Variants in THSD4 observed in about 807,000 individuals in gnomAD.
The protein encoded by THSD4 is thrombospondin type 1 domain containing 4.
In THSD4, 69 loss-of-function variants were observed where a neutral mutation model predicts 119.0. The observed-to-expected ratio is 0.58, with a 90% CI of 0.48 to 0.71. The LOEUF is 0.71. Ranked by LOEUF, THSD4 falls within the 30% of genes least tolerant of loss-of-function variation. THSD4 has a pLI of 0.00. For missense variants in THSD4, 1,393 were observed against 1,391.1 expected (o/e 1.00, Z -0.02); for synonymous variants, 524 against 540.4 (o/e 0.97, Z 0.42).
chr15:71,469,640 G>C (rs12913412), intron 7 of THSD4, among the ~76,000 whole-genome samples: 25,989 of 152,104 alleles, frequency 0.17, 2,551 homozygotes, highest in South Asian at 0.31. Flanking sequence ...GTTCAACTTA[G>C]GCTCAACACA....
chr15:71,390,553 C>T (rs2140467340), intron 6 of THSD4, among the ~76,000 whole-genome samples: 1 of 152,212 alleles, frequency 6.6e-6, no homozygotes, highest in East Asian at 1.9e-4. Flanking sequence ...TCATATAGCC[C>T]TCCTTTGACG....
chr15:71,440,185 A>C (rs1158692793), intron 7 of THSD4, among the ~76,000 whole-genome samples: 1 of 152,174 alleles, frequency 6.6e-6, no homozygotes, highest in African/African-American at 2.4e-5. Flanking sequence ...ATGATCATGC[A>C]TGAACAAAGA....
intron 10 of THSD4, among the ~76,000 whole-genome samples, chr15:71,737,053 T>G (rs1251347443): frequency 2.0e-5 from 3 of 152,264 alleles, no homozygotes; most frequent in African/African-American, 7.2e-5. Context: ...AAAACTCACA[T>G]AGTATTCCAT....
chr15:71,164,713 T>C, intron 3 of THSD4: 2 of 1,543,856 alleles, frequency 1.3e-6, no homozygotes, highest in Non-Finnish European at 1.7e-6. Context: ...GAGTGAGTTG[T>C]GTACAGGGGG....
intron 8 of THSD4, among the ~76,000 whole-genome samples, chr15:71,692,506 T>G (rs931650735): frequency 6.6e-6 from 1 of 152,218 alleles, no homozygotes; most frequent in Non-Finnish European, 1.5e-5. Context: ...GTTGGAAGAT[T>G]TAGCTCTGCA....
intron 6 of THSD4, among the ~76,000 whole-genome samples, chr15:71,394,266 CTTT>C (rs58372446): frequency 0.021 from 1,840 of 89,628 alleles, 28 homozygotes; most frequent in African/African-American, 0.067. Flanking sequence ...ACACATTTGT[CTTT>C]TTTTTTTTTT....
At chr15:71,774,473 A>G (rs781698503) in intron 17 of THSD4, among the ~76,000 whole-genome samples, 7 of 152,156 alleles carry the variant, frequency 4.6e-5, no homozygotes, top group Non-Finnish European at 4.4e-5. Context: ...CGCATGGGGG[A>G]TAGGTCAAGT....
chr15:71,510,080 G>A (rs1050814775), intron 7 of THSD4, among the ~76,000 whole-genome samples: 2 of 152,170 alleles, frequency 1.3e-5, no homozygotes, highest in Non-Finnish European at 2.9e-5. Context: ...GCTGTGTGTC[G>A]CTGCTCTACT....
rs1035591739 is a variant in THSD4 at position 71,585,751 on chromosome 15, T to C, written c.1153-74779T>C. On this transcript the variant is annotated intron_variant, in intron 7 of 17. Coordinates refer to ENST00000261862, the MANE Select transcript of THSD4 (RefSeq NM_024817.3). ...ACTTGATGGTGTCCCATAAGTCCTGTAGGCTTTCTTTACACTTGTTTATTC... is the reference window on the plus strand; with the variant it reads ...ACTTGATGGTGTCCCATAAGTCCTGCAGGCTTTCTTTACACTTGTTTATTC... 3.9e-5 allele frequency among the ~76,000 whole-genome samples: 6 copies of C among 152,208 alleles called. No homozygotes were observed. The South Asian group carries it at 1.2e-3, about 31-fold the overall frequency.
chr15:71,768,276 C>CCAAAACAAAAA (rs2053749864), intron 16 of THSD4, among the ~76,000 whole-genome samples: 1 of 150,068 alleles, frequency 6.7e-6, no homozygotes, highest in Non-Finnish European at 1.5e-5. Flanking sequence ...ACAAAAAAAA[C>CCAAAACAAAAA]CAAAAAAAAA....
intron 5 of THSD4, among the ~76,000 whole-genome samples, chr15:71,251,728 C>A (rs114629089): frequency 0.011 from 1,690 of 152,216 alleles, 34 homozygotes; most frequent in African/African-American, 0.039. Flanking sequence ...CTGTCCGTCT[C>A]CTGGGGAGAT....
At chr15:71,483,209 T>G (rs2047761125) in intron 7 of THSD4, among the ~76,000 whole-genome samples, 1 of 152,180 alleles carries the variant, frequency 6.6e-6, no homozygotes, top group Non-Finnish European at 1.5e-5. Context: ...TTGGGCTGAC[T>G]ACAGGCTCGA....
At chr15:71,645,430 T>C (rs570880127) in intron 7 of THSD4, among the ~76,000 whole-genome samples, 1 of 152,224 alleles carries the variant, frequency 6.6e-6, no homozygotes, top group Non-Finnish European at 1.5e-5. Context: ...ATCATGAGAA[T>C]AGCATGGGGG....
At chr15:71,639,192 A>G (rs149644018) in intron 7 of THSD4, among the ~76,000 whole-genome samples, 1 of 152,368 alleles carries the variant, frequency 6.6e-6, no homozygotes, top group East Asian at 1.9e-4. Flanking sequence ...AGAAACATCA[A>G]TAATGGCTAA....
chr15:71,146,152 A>T (rs1482035524), intron 2 of THSD4, among the ~76,000 whole-genome samples: 1 of 152,048 alleles, frequency 6.6e-6, no homozygotes, highest in East Asian at 1.9e-4. Context: ...CAAACAAATA[A>T]CACACACACA....
At chr15:71,465,935 C>A (rs1207271094) in intron 7 of THSD4, among the ~76,000 whole-genome samples, 1 of 152,090 alleles carries the variant, frequency 6.6e-6, no homozygotes, top group Admixed American at 6.5e-5. Context: ...GGAAGAAGGC[C>A]AAGGATGAAA....
chr15:71,337,778 G>C (rs2045507575), intron 6 of THSD4, among the ~76,000 whole-genome samples: 1 of 152,166 alleles, frequency 6.6e-6, no homozygotes, highest in South Asian at 2.1e-4. Flanking sequence ...GCCCACCGGA[G>C]ACGTTCCCAG....
intron 7 of THSD4, among the ~76,000 whole-genome samples, chr15:71,617,357 CATTTG>C (rs1176358904): frequency 6.6e-6 from 1 of 151,964 alleles, no homozygotes; most frequent in Non-Finnish European, 1.5e-5. Flanking sequence ...TTAATATCAT[CATTTG>C]ATTTAACTTC....
chr15:71,338,319 G>C (rs2045514337), intron 6 of THSD4, among the ~76,000 whole-genome samples: 1 of 148,610 alleles, frequency 6.7e-6, no homozygotes, highest in African/African-American at 2.5e-5. Flanking sequence ...CAGTAGGACA[G>C]GAAGATCTGA....
Sources: gnomAD v4.1 joint callset for allele counts (sites outside exome capture counted in the v4.1 genomes callset) on GRCh38, gnomAD v4.1.1 for gene constraint, MANE v1.5 for transcripts, NCBI Gene and HGNC (gene_info 2026-07-23, HGNC 2026-07-21) for gene names.